The following SPECC1 variants were observed in gnomAD, a reference collection of about 807,000 sequenced individuals.
The protein encoded by SPECC1 is cytospin-B.
In SPECC1, 62 loss-of-function variants were observed where a neutral mutation model predicts 104.1. The ratio of observed to expected loss-of-function variants is 0.60; its 90% CI spans 0.49 to 0.74. SPECC1 has a LOEUF of 0.74. Ranked by LOEUF, SPECC1 falls within the 30% of genes least tolerant of loss-of-function variation. SPECC1 has a pLI of 0.00. For missense variants in SPECC1, 1,306 were observed against 1,310.5 expected (o/e 1.00, Z 0.05); for synonymous variants, 513 against 501.6 (o/e 1.02, Z -0.30).
chr17:20,107,159 A>G (rs1016858169), intron 2 of SPECC1, among the ~76,000 whole-genome samples: 1 of 150,284 alleles, frequency 6.7e-6, no homozygotes. Flanking sequence ...AAAAAAAAAA[A>G]AAAAAAAAAA....
intron 3 of SPECC1, among the ~76,000 whole-genome samples, chr17:20,152,319 T>C (rs773731250): frequency 1.3e-5 from 2 of 151,804 alleles, no homozygotes; most frequent in Non-Finnish European, 2.9e-5. Context: ...TAAAATAAAA[T>C]AATACAAGCA....
intron 12 of SPECC1, 26 bp downstream of exon 12, chr17:20,260,320 C>T: frequency 6.2e-7 from 1 of 1,606,044 alleles, no homozygotes; most frequent in Admixed American, 1.7e-5. Flanking sequence ...AGCCAACTTC[C>T]AGCTGCCCCT....
chr17:20,281,653 G>A (rs1361213931), intron 12 of SPECC1, among the ~76,000 whole-genome samples: 1 of 152,222 alleles, frequency 6.6e-6, no homozygotes, highest in Non-Finnish European at 1.5e-5. Flanking sequence ...GCAGAATGGG[G>A]CTTCAGGGGG....
chr17:20,158,322 T>C (rs1464196691), intron 3 of SPECC1, among the ~76,000 whole-genome samples: 1 of 152,192 alleles, frequency 6.6e-6, no homozygotes. Context: ...GTGTCAGTTT[T>C]GTCCATGGAG....
At chr17:20,224,549 TCC>T (rs2038094079) in intron 4 of SPECC1, among the ~76,000 whole-genome samples, 1 of 152,126 alleles carries the variant, frequency 6.6e-6, no homozygotes. Flanking sequence ...TGAGCTGGTA[TCC>T]AAGTTGGAAG....
chr17:20,086,596 T>A (rs1833472766), intron 1 of SPECC1, among the ~76,000 whole-genome samples: 1 of 152,110 alleles, frequency 6.6e-6, no homozygotes, highest in Non-Finnish European at 1.5e-5. Context: ...CTCTCCTGAG[T>A]TTGCAGAGCT....
At chr17:20,171,040 CAG>C (rs781676410) in intron 3 of SPECC1, among the ~76,000 whole-genome samples, 7 of 152,198 alleles carry the variant, frequency 4.6e-5, no homozygotes, top group South Asian at 2.1e-4. Context: ...AGCAGATAAA[CAG>C]AGTCTATTCA....
intron 4 of SPECC1, among the ~76,000 whole-genome samples, chr17:20,208,145 GTTA>G (rs2036905638): frequency 6.6e-6 from 1 of 152,192 alleles, no homozygotes; most frequent in Non-Finnish European, 1.5e-5. Flanking sequence ...AAATCAAACT[GTTA>G]TTATTCATGT....
At chr17:20,131,057 T>C (rs1257277735) in intron 3 of SPECC1, among the ~76,000 whole-genome samples, 1 of 152,256 alleles carries the variant, frequency 6.6e-6, no homozygotes, top group African/African-American at 2.4e-5. Flanking sequence ...GCAATTGATA[T>C]TTATATGTTT....
intron 1 of SPECC1, among the ~76,000 whole-genome samples, chr17:20,045,680 A>C (rs369021950): frequency 1.3e-5 from 2 of 152,332 alleles, no homozygotes; most frequent in African/African-American, 2.4e-5. Flanking sequence ...AAGTTGGTAC[A>C]TCCTAGCTCT....
chr17:20,241,367 G>A (rs1247305580), intron 7 of SPECC1, among the ~76,000 whole-genome samples: 1 of 152,102 alleles, frequency 6.6e-6, no homozygotes. Flanking sequence ...TGGCCTTCTC[G>A]GATGTAAATT....
At chr17:20,104,427 G>A (rs2048088134) in intron 2 of SPECC1, among the ~76,000 whole-genome samples, 1 of 152,142 alleles carries the variant, frequency 6.6e-6, no homozygotes, top group East Asian at 1.9e-4. Context: ...TAAACAGGGA[G>A]AAGGATCTTA....
chr17:20,245,579 T>C (rs2039387517), intron 7 of SPECC1, among the ~76,000 whole-genome samples: 1 of 152,120 alleles, frequency 6.6e-6, no homozygotes, highest in Non-Finnish European at 1.5e-5. Context: ...CCATTGACAG[T>C]AGGTGAAATA....
chr17:20,246,539 G>C (rs572094565), intron 8 of SPECC1, among the ~76,000 whole-genome samples: 1 of 152,114 alleles, frequency 6.6e-6, no homozygotes, highest in Non-Finnish European at 1.5e-5. Flanking sequence ...GGTCTTGTAC[G>C]TGAGCACCTG....
At chr17:20,190,825 G>T (rs1201454471) in intron 3 of SPECC1, among the ~76,000 whole-genome samples, 1 of 152,146 alleles carries the variant, frequency 6.6e-6, no homozygotes. Context: ...GGTGGGGGAT[G>T]AATGGGCAGG....
chr17:20,211,930 C>T (rs762201500), intron 4 of SPECC1, among the ~76,000 whole-genome samples: 1 of 152,238 alleles, frequency 6.6e-6, no homozygotes, highest in Non-Finnish European at 1.5e-5. Context: ...CAGGACTCAT[C>T]TGCGAACCTG....
intron 2 of SPECC1, among the ~76,000 whole-genome samples, chr17:20,098,385 C>A (rs1413140237): frequency 2.6e-5 from 4 of 152,230 alleles, no homozygotes; most frequent in African/African-American, 4.8e-5. Context: ...TCCCTTGTGA[C>A]CAGTTGGGTC....
At chr17:20,131,639 C>CTTTTT (rs541723505) in intron 3 of SPECC1, among the ~76,000 whole-genome samples, 5 of 118,004 alleles carry the variant, frequency 4.2e-5, no homozygotes, top group African/African-American at 6.2e-5. Flanking sequence ...CAGTCTTCTT[C>CTTTTT]TTTTTTTTTT....
chr17:20,201,076 G>C (rs2036399343), intron 3 of SPECC1, among the ~76,000 whole-genome samples: 2 of 152,018 alleles, frequency 1.3e-5, no homozygotes, highest in Admixed American at 1.3e-4. Flanking sequence ...CAAAAGGAAG[G>C]TGTTAAACTG....
Sources: allele counts gnomAD v4.1 joint callset (sites outside exome capture counted in the v4.1 genomes callset), GRCh38; gene constraint gnomAD v4.1.1; transcripts MANE v1.5; gene names NCBI Gene and HGNC (gene_info 2026-07-23, HGNC 2026-07-21).